GLS: variants seen among roughly 807,000 people sequenced by gnomAD.
GLS encodes glutaminase.
A neutral mutation model predicts 86.7 loss-of-function variants in GLS; 36 were observed. The observed-to-expected ratio is 0.42, with a 90% confidence interval of 0.32 to 0.55. The LOEUF (loss-of-function observed/expected upper bound fraction) is 0.55, where lower values mean the gene tolerates loss of function less well. Ranked by LOEUF, GLS falls within the 20% of genes least tolerant of loss-of-function variation. The pLI, the probability that GLS is intolerant of heterozygous loss-of-function variation, is 0.17. For missense variants in GLS, 528 were observed against 833.4 expected (o/e 0.63, Z 4.51); for synonymous variants, 317 against 305.9 (o/e 1.04, Z -0.38).
In GLS at chr2:190,913,370, T is replaced by TA; in HGVS notation, c.1038+3050dup. 9.7e-7 allele frequency: 1 copy of TA among 1,026,482 alleles called. No individual in the cohort carries two copies. Among genetic ancestry groups the TA allele is most frequent in the Non-Finnish European group, 1.2e-6 (1 of 809,940 alleles). The allele number at this position is 1,026,482 out of a possible 1,614,324, so 63.6% of individuals were successfully genotyped here. ...TTTTAAACAAAGCTATATAGGTAAA[T>TA]ACCTTTTTAAAAACAAATGTAATTT... is the stretch of plus-strand genomic sequence containing the variant. On this transcript the variant is annotated intron_variant, in intron 7 of 17. Coordinates refer to ENST00000320717, the MANE Select transcript of GLS (RefSeq NM_014905.5). The surrounding 1 kb of genome is among the most constrained non-coding windows in gnomAD (Gnocchi z 6.1).
intron 6 of GLS, among the ~76,000 whole-genome samples, chr2:190,907,288 C>G (rs916260761): frequency 6.2e-5 from 9 of 145,560 alleles, no homozygotes; most frequent in African/African-American, 2.0e-4. Context: ...GTTGCCCAGG[C>G]TGGAGTGCAG....
chr2:190,957,920 A>G (rs531584096), intron 17 of GLS, among the ~76,000 whole-genome samples: 1 of 152,336 alleles, frequency 6.6e-6, no homozygotes, highest in Admixed American at 6.5e-5. Context: ...TGCTGGCCTC[A>G]TAAAATGAGT....
chr2:190,935,742 T>A lies in GLS; in HGVS notation c.1650+4105T>A, dbSNP rs1204837224. Among the ~76,000 whole-genome samples the A allele has an allele frequency of 6.6e-6, 1 of 151,296 alleles. No individual in the cohort carries two copies. Among genetic ancestry groups the A allele is most frequent in the East Asian group, 1.9e-4 (1 of 5,198 alleles). ...TTGCTAAACCAAATGAAGAGTATCA[T>A]CATATTGCTTTAGAATAAAACTGTT... On this transcript the variant is annotated intron_variant, in intron 14 of 17. Transcript: ENST00000320717. This position sits in a 1 kb window ranked among gnomAD's most constrained non-coding sequence, Gnocchi z 4.2.
chr2:190,913,856 G>A lies in GLS; in HGVS notation c.1038+3535G>A. On this transcript the variant is annotated intron_variant, in intron 7 of 17. Transcript: ENST00000320717. The surrounding 1 kb of genome is among the most constrained non-coding windows in gnomAD (Gnocchi z 6.1). Reference sequence around the variant, plus strand: ...CTCTCTGTTGCCCAGTCTAAGTGCAGTGGTACAGTCATAACCCACTGCAGC... The same window carrying A: ...CTCTCTGTTGCCCAGTCTAAGTGCAATGGTACAGTCATAACCCACTGCAGC... 2.5e-6 allele frequency: 1 copy of A among 392,224 alleles called. No individual in the cohort carries two copies. The highest frequency in any genetic ancestry group is 1.1e-4 in the South Asian group (1 of 9,434). The allele number at this position is 392,224 out of a possible 1,614,324, so 24.3% of individuals were successfully genotyped here. A position where few individuals can be genotyped will look rare whatever the true frequency, so the allele number is the denominator to read the frequency against.
chr2:190,936,110 G>A lies in GLS; in HGVS notation c.1650+4473G>A, dbSNP rs1574609952. ...TAGAATTAGTTAATAAGGAGTTCCA[G>A]TATAATGATATATTCAATATATGTA... On this transcript the variant is annotated intron_variant, in intron 14 of 17. Transcript: ENST00000320717. Among the ~76,000 whole-genome samples, 3 of 151,184 alleles carry A rather than the reference G, an allele frequency of 2.0e-5. No homozygotes were observed. The East Asian group carries it at 5.8e-4, about 29-fold the overall frequency.
chr2:190,903,401 C>T (rs578190423), intron 5 of GLS, among the ~76,000 whole-genome samples: 4 of 152,222 alleles, frequency 2.6e-5, no homozygotes, highest in African/African-American at 2.4e-5. Flanking sequence ...TCATTTGGGT[C>T]AGTAAAATGT....
rs1396920312 is a variant in GLS at position 190,895,268 on chromosome 2, T to C, written c.483+20T>C. The C allele has an allele frequency of 2.1e-6, 2 of 942,970 alleles. No individual in the cohort carries two copies. Among genetic ancestry groups the C allele is most frequent in the Non-Finnish European group, 3.4e-6 (2 of 589,384 alleles). 58.4% of individuals were successfully genotyped at this position (942,970 alleles called of 1,614,324 possible). On this transcript the variant is annotated intron_variant, in intron 2 of 17. Coordinates refer to ENST00000320717, the MANE Select transcript of GLS (RefSeq NM_014905.5). This position sits in a 1 kb window ranked among gnomAD's most constrained non-coding sequence, Gnocchi z 4.2. ...ATTACAGTAAGTTTTTATATTTTTC[T>C]ATCTTAACTTAAAAAAATCAATAAT...
At chr2:190,941,551 G>T (rs115750224) in intron 14 of GLS, among the ~76,000 whole-genome samples, 7,240 of 67,210 alleles carry the variant, frequency 0.11, 262 homozygotes, top group Non-Finnish European at 0.15. Flanking sequence ...AAAAATGCTA[G>T]GAGAGGGTAC....
At chr2:190,907,912 T>C (rs958252399) in intron 6 of GLS, among the ~76,000 whole-genome samples, 4 of 152,192 alleles carry the variant, frequency 2.6e-5, no homozygotes, top group African/African-American at 9.7e-5. Context: ...AAGTATGTAA[T>C]TGACAGGTGC....
chr2:190,927,722 G>A (rs1689946025), intron 12 of GLS: 1 of 368,726 alleles, frequency 2.7e-6, no homozygotes, highest in Non-Finnish European at 4.9e-6. Flanking sequence ...AGGCAATCCA[G>A]TGTACAAGGT....
rs1268906220 is a variant in GLS, at chr2:190,921,289, G to T, written c.1130+86G>T. ...CACTCTCTTTTCATTGGAGGGAAAT[G>T]AATGATTTCTAAATTACCTGACAGA... On this transcript the variant is annotated intron_variant, in intron 9 of 17. Coordinates refer to ENST00000320717, the MANE Select transcript of GLS (RefSeq NM_014905.5). The surrounding 1 kb of genome is among the most constrained non-coding windows in gnomAD (Gnocchi z 4.2). 1.2e-5 allele frequency: 11 copies of T among 920,142 alleles called. No individual in the cohort carries two copies. In the South Asian group the frequency reaches 1.5e-4, roughly 13 times the overall value. 57.0% of individuals were successfully genotyped at this position (920,142 alleles called of 1,614,324 possible). A position where few individuals can be genotyped will look rare whatever the true frequency, so the allele number is the denominator to read the frequency against.
rs1689716223 is a variant in GLS, at chr2:190,921,009, CTTATT to C, written c.1039-12_1039-8del. The C allele has an allele frequency of 6.9e-7, 1 of 1,449,714 alleles. No homozygotes were observed. Among genetic ancestry groups the C allele is most frequent in the African/African-American group, 1.4e-5 (1 of 71,564 alleles). The allele number at this position is 1,449,714 out of a possible 1,614,324, so 89.8% of individuals were successfully genotyped here. On this transcript the variant is annotated splice_polypyrimidine_tract_variant and intron_variant, in intron 7 of 17. Transcript: ENST00000320717. The surrounding 1 kb of genome is among the most constrained non-coding windows in gnomAD (Gnocchi z 4.2). ...TACCTATATTAACGTATTTATGTCT[CTTATT>C]TTTTTGCAGCAAGGAGTAAATAATG...
At chr2:190,893,534 G>C (rs1479675857) in intron 1 of GLS, among the ~76,000 whole-genome samples, 1 of 152,140 alleles carries the variant, frequency 6.6e-6, no homozygotes, top group Non-Finnish European at 1.5e-5. Context: ...AGCACAGTGT[G>C]TAGAATATAA....
rs778035160 is a variant in GLS, at chr2:190,900,661, T to C, written c.703T>C (p.Tyr235His). 19 of 1,606,622 alleles carry C rather than the reference T, an allele frequency of 1.2e-5. No individual in the cohort carries two copies. The highest frequency in any genetic ancestry group is 1.5e-5 in the Non-Finnish European group (18 of 1,173,974). The part of the protein sequence containing the change: ...MSFTSHIDEL[Y>H]ESAKKQSGGK... ...TTTTACCTCACACATTGATGAGTTA[T>C]ATGAAAGTGCTAAAAAGCAGTCTGG... The change falls in exon 4 of 18, where the codon TAT becomes CAT. Residue 235 changes from tyrosine to histidine, a missense_variant. Transcript: ENST00000320717.
chr2:190,933,706 CTATGT>C (rs1243229626), intron 14 of GLS: 8 of 899,552 alleles, frequency 8.9e-6, no homozygotes, highest in African/African-American at 7.2e-5. Flanking sequence ...ATAACTTTTT[CTATGT>C]TATATTTAAA....
rs1048895517 is a variant in GLS at position 190,949,459 on chromosome 2, T to G, written c.1651-4106T>G. Among the ~76,000 whole-genome samples, 1 of 152,088 alleles carries G rather than the reference T, an allele frequency of 6.6e-6. No homozygotes were observed. Among genetic ancestry groups the G allele is most frequent in the Non-Finnish European group, 1.5e-5 (1 of 68,006 alleles). The stretch of plus-strand genomic sequence containing the variant: ...CTGTAATCCCTACACTTTGGGAGGC[T>G]GAGGCAGGCAGATCGCTTGAGGTCG... On this transcript the variant is annotated intron_variant, in intron 14 of 17. Transcript: ENST00000320717. This position sits in a 1 kb window ranked among gnomAD's most constrained non-coding sequence, Gnocchi z 4.0.
intron 1 of GLS, among the ~76,000 whole-genome samples, chr2:190,893,824 A>G (rs1345343555): frequency 1.3e-5 from 2 of 152,144 alleles, no homozygotes; most frequent in African/African-American, 4.8e-5. Flanking sequence ...ACCTCAAGTG[A>G]TCCTCCTGCC....
rs57991546 is a variant in GLS, at chr2:190,953,950, A to ATGTGTG, written c.1712+365_1712+370dup. Among the ~76,000 whole-genome samples the ATGTGTG allele has an allele frequency of 0.026, 3,615 of 136,714 alleles. 58 individuals carry two copies. The highest frequency in any genetic ancestry group is 0.063 in the East Asian group (284 of 4,480). 89.7% of individuals were successfully genotyped at this position (136,714 alleles called of 152,430 possible). A position where few individuals can be genotyped will look rare whatever the true frequency, so the allele number is the denominator to read the frequency against. On this transcript the variant is annotated intron_variant, in intron 15 of 17. Transcript: ENST00000320717. The surrounding 1 kb of genome is among the most constrained non-coding windows in gnomAD (Gnocchi z 4.0). Reference sequence around the variant, plus strand: ...CTACCCTCCATTCCCAATCTTTGATATGTGTGTGTGTGTGTGTGTGTGTGT... The same window carrying ATGTGTG: ...CTACCCTCCATTCCCAATCTTTGATATGTGTGTGTGTGTGTGTGTGTGTGTGTGTGT...
Position 190,923,262 on chromosome 2 carries a change from A to C in GLS, c.1131-655A>C, listed in dbSNP as rs539641735. On this transcript the variant is annotated intron_variant, in intron 9 of 17. Transcript: ENST00000320717. ...TTTTGTGGGTAGTCAGGAGCTATTA[A>C]TTATTTGGCATCTATTGGTTTTGAT... 4.6e-5 allele frequency among the ~76,000 whole-genome samples: 7 copies of C among 152,264 alleles called. No individual in the cohort carries two copies. In the East Asian group the frequency reaches 1.4e-3, roughly 29 times the overall value.
Sources: allele counts gnomAD v4.1 joint callset (sites outside exome capture counted in the v4.1 genomes callset), GRCh38; gene constraint gnomAD v4.1.1; non-coding constraint Gnocchi (gnomAD v3.1); transcripts MANE v1.5; gene names NCBI Gene and HGNC (gene_info 2026-07-23, HGNC 2026-07-21).